FLI1: variants seen among roughly 807,000 people sequenced by gnomAD.
FLI1 encodes the protein Fli-1 proto-oncogene, ETS transcription factor, also known as Friend leukemia integration 1 transcription factor.
Under a neutral mutation model 53.1 loss-of-function variants are expected in FLI1, and 13 were observed. The observed-to-expected ratio is 0.24, with a 90% CI of 0.16 to 0.39. The LOEUF (loss-of-function observed/expected upper bound fraction) is 0.39, where lower values mean the gene tolerates loss of function less well. Among genes scored for constraint, FLI1 ranks in the 10% least tolerant of loss-of-function variants. FLI1 has a pLI of 1.00. For missense variants in FLI1, 424 were observed against 600.5 expected (o/e 0.71, Z 3.07); for synonymous variants, 244 against 236.7 (o/e 1.03, Z -0.28).
chr11:128,727,035 G>A (rs1939515428), intron 1 of FLI1, among the ~76,000 whole-genome samples: 1 of 152,144 alleles, frequency 6.6e-6, no homozygotes, highest in South Asian at 2.1e-4. Context: ...CACTCTTGAA[G>A]GTCCTGCCTG....
At chr11:128,698,034 TC>T (rs58332977) in intron 1 of FLI1, among the ~76,000 whole-genome samples, 107,183 of 151,952 alleles carry the variant, frequency 0.71, 37,842 homozygotes, top group Middle Eastern at 0.83. Flanking sequence ...CGTCATTAAC[TC>T]CAGAAGAGTA....
chr11:128,694,555 G>A (rs1329451433), intron 1 of FLI1, among the ~76,000 whole-genome samples: 2 of 104,892 alleles, frequency 1.9e-5, no homozygotes, highest in Non-Finnish European at 3.9e-5. Context: ...GGCTGCAGGA[G>A]GGGACGGCGG....
At chr11:128,745,650 G>A (rs945546484) in intron 1 of FLI1, among the ~76,000 whole-genome samples, 2 of 152,326 alleles carry the variant, frequency 1.3e-5, no homozygotes, top group South Asian at 4.1e-4. Context: ...TGCCCTGAGA[G>A]GAAACGAAAT....
At chr11:128,787,089 T>C (rs1565499937) in intron 5 of FLI1, among the ~76,000 whole-genome samples, 2 of 152,168 alleles carry the variant, frequency 1.3e-5, no homozygotes, top group East Asian at 3.9e-4. Flanking sequence ...TCTGTGTCCC[T>C]TAGAGTGAAA....
chr11:128,726,312 C>T (rs1223698571), intron 1 of FLI1, among the ~76,000 whole-genome samples: 1 of 152,148 alleles, frequency 6.6e-6, no homozygotes, highest in African/African-American at 2.4e-5. Context: ...CCCCAGACTC[C>T]TACTCTATGG....
rs374793083 is a variant in FLI1 at position 128,810,434 on chromosome 11, C to T, written c.830-25C>T. The T allele has an allele frequency of 6.5e-5, 102 of 1,570,132 alleles. No individual in the cohort carries two copies. The African/African-American group carries it at 1.1e-3, about 16-fold the overall frequency. On this transcript the variant is annotated intron_variant, in intron 8 of 8. Coordinates refer to ENST00000527786, the MANE Select transcript of FLI1 (RefSeq NM_002017.5). This position sits in a 1 kb window ranked among gnomAD's most constrained non-coding sequence, Gnocchi z 6.6. ...TCTCTGGGCTGAGGTGTTCTGTTCT[C>T]TCCCGTTTGCCTCACGGCGTGCAGG... is the stretch of plus-strand genomic sequence containing the variant.
At chr11:128,793,576 C>A (rs1942342393) in intron 5 of FLI1, among the ~76,000 whole-genome samples, 1 of 152,226 alleles carries the variant, frequency 6.6e-6, no homozygotes, top group Non-Finnish European at 1.5e-5. Flanking sequence ...TCTTCTCACC[C>A]CTGTGCCAGA....
rs142278213 is a variant in FLI1, at chr11:128,759,613, A to G, written c.230+1287A>G. On this transcript the variant is annotated intron_variant, in intron 2 of 8. Coordinates refer to ENST00000527786, the MANE Select transcript of FLI1 (RefSeq NM_002017.5). ...AGTGTGAATGAAGGGGGTGCATGAC[A>G]GGAAAGAATCAAAGGCGACTAAAGC... Among the ~76,000 whole-genome samples, 73 of 152,376 alleles carry G rather than the reference A, an allele frequency of 4.8e-4. No individual in the cohort carries two copies. The East Asian group carries it at 0.013, about 28-fold the overall frequency.
At chr11:128,690,390 G>A (rs746004143), upstream of FLI1, among the ~76,000 whole-genome samples, 61 of 152,082 alleles carry the variant, frequency 4.0e-4, no homozygotes, top group Non-Finnish European at 6.8e-4. Context: ...TTCAAGTGAC[G>A]GAGCCACCCC....
chr11:128,721,895 G>A (rs1939269957), intron 1 of FLI1, among the ~76,000 whole-genome samples: 1 of 152,168 alleles, frequency 6.6e-6, no homozygotes, highest in Non-Finnish European at 1.5e-5. Flanking sequence ...GTATTAATTT[G>A]AGGGATCTGC....
chr11:128,807,303 A>G, intron 7 of FLI1, 64 bp downstream of exon 7: 1 of 1,169,840 alleles, frequency 8.5e-7, no homozygotes, highest in East Asian at 2.6e-5. Context: ...TCACATGGTC[A>G]ACTGATGGAG....
intron 1 of FLI1, among the ~76,000 whole-genome samples, chr11:128,729,321 G>A (rs146137339): frequency 2.2e-4 from 33 of 152,316 alleles, no homozygotes; most frequent in Non-Finnish European, 3.8e-4. Flanking sequence ...AAGAACTGCT[G>A]GCAACCCTTC....
chr11:128,800,951 G>C (rs1016837311), intron 5 of FLI1, among the ~76,000 whole-genome samples: 2 of 152,164 alleles, frequency 1.3e-5, no homozygotes, highest in African/African-American at 4.8e-5. Flanking sequence ...TAAAGCCAAG[G>C]TGTCAGCCTT....
chr11:128,687,644 G>C (rs1480260069), intron 1 of FLI1, among the ~76,000 whole-genome samples: 1 of 152,062 alleles, frequency 6.6e-6, no homozygotes, highest in East Asian at 1.9e-4. Context: ...CTCGAGTGTC[G>C]GGCAAATGCC....
intron 1 of FLI1, among the ~76,000 whole-genome samples, chr11:128,729,256 T>G (rs1406693015): frequency 6.6e-6 from 1 of 152,188 alleles, no homozygotes; most frequent in Non-Finnish European, 1.5e-5. Flanking sequence ...GCTTATTATA[T>G]TTATCAACCA....
chr11:128,745,496 G>A (rs1171317985), intron 1 of FLI1, among the ~76,000 whole-genome samples: 2 of 152,166 alleles, frequency 1.3e-5, no homozygotes, highest in African/African-American at 4.8e-5. Context: ...TCACCCAGAT[G>A]TGCTAGTTGG....
chr11:128,806,969 C>G (rs1173597945), intron 6 of FLI1: 8 of 396,650 alleles, frequency 2.0e-5, no homozygotes, highest in Non-Finnish European at 3.1e-5. Context: ...GCGAGTTCTA[C>G]CAGGAACTGC....
At chr11:128,690,389 C>T (rs953406188), upstream of FLI1, among the ~76,000 whole-genome samples, 2 of 152,106 alleles carry the variant, frequency 1.3e-5, no homozygotes, top group Non-Finnish European at 2.9e-5. Context: ...TTTCAAGTGA[C>T]GGAGCCACCC....
rs114168732 is a variant in FLI1 at position 128,712,932 on chromosome 11, T to G, written c.18+18656T>G. 1.1e-3 allele frequency among the ~76,000 whole-genome samples: 162 copies of G among 152,368 alleles called. 1 individual carries two copies. The highest frequency in any genetic ancestry group is 3.6e-3 in the African/African-American group (148 of 41,590). ...ACCTCCTGTGGTTTTAGAATCACTG[T>G]GAGGAATAAATACCCCAGGCTTTCT... On this transcript the variant is annotated intron_variant, in intron 1 of 8. Transcript: ENST00000527786.
Sources: gnomAD v4.1 joint callset for allele counts (sites outside exome capture counted in the v4.1 genomes callset) on GRCh38, gnomAD v4.1.1 for gene constraint, Gnocchi (gnomAD v3.1) non-coding constraint, MANE v1.5 for transcripts, NCBI Gene and HGNC (gene_info 2026-07-23, HGNC 2026-07-21) for gene names.